Variants in TBL3 observed in about 807,000 individuals in gnomAD.
TBL3 encodes the protein transducin beta-like protein 3.
A neutral mutation model predicts 102.7 loss-of-function variants in TBL3; 71 were observed. That is an observed-to-expected ratio of 0.69 (90% CI 0.57 to 0.84). The LOEUF (loss-of-function observed/expected upper bound fraction) is 0.84, where lower values mean the gene tolerates loss of function less well. Among genes scored for constraint, TBL3 ranks in the 40% least tolerant of loss-of-function variants. The pLI is 0.00. For synonymous variants in TBL3, 578 were observed against 477.7 expected, an observed-to-expected ratio of 1.21 and a Z score of -2.74; for missense variants, 1,188 against 1,098.5, an observed-to-expected ratio of 1.08 and a Z score of -1.15.
At position 1,979,360 on chromosome 16, in the gene TBL3, C is replaced by T. The variant is rs778485027; in HGVS notation, c.*675C>T. On this transcript the variant is annotated 3_prime_UTR_variant, in exon 22 of 22. Coordinates refer to ENST00000568546, the MANE Select transcript of TBL3 (RefSeq NM_006453.3). Reference sequence around the variant, plus strand: ...GCCCGGTCGCCGTACCTGCGAGGGGCGGGGTGTGGTTAGGGCCCCGCCCGC... The same window carrying T: ...GCCCGGTCGCCGTACCTGCGAGGGGTGGGGTGTGGTTAGGGCCCCGCCCGC... 11 of 1,583,568 alleles carry T rather than the reference C, an allele frequency of 6.9e-6. No individual in the cohort carries two copies. The highest frequency in any genetic ancestry group is 8.5e-6 in the Non-Finnish European group (10 of 1,171,706).
Position 1,980,064 on chromosome 16 carries a change from G to A in TBL3, c.*1379G>A, listed in dbSNP as rs1779074688. 1.2e-6 allele frequency: 2 copies of A among 1,607,996 alleles called. No homozygotes were observed. The highest frequency in any genetic ancestry group is 2.2e-5 in the East Asian group (1 of 44,752). On this transcript the variant is annotated 3_prime_UTR_variant, in exon 22 of 22. Coordinates refer to ENST00000568546, the MANE Select transcript of TBL3 (RefSeq NM_006453.3). ...GCGCCTGAAAAGGCCTATCCCGCGT[G>A]TCCTGGGTACAGAAGGGCTGCAGGC...
At position 1,980,001 on chromosome 16, in the gene TBL3, G is replaced by C. The variant is rs2083465727; in HGVS notation, c.*1316G>C. 2 of 1,602,514 alleles carry C rather than the reference G, an allele frequency of 1.2e-6. No homozygotes were observed. The highest frequency in any genetic ancestry group is 1.3e-5 in the African/African-American group (1 of 74,806). On this transcript the variant is annotated 3_prime_UTR_variant, in exon 22 of 22. Transcript: ENST00000568546. Reference sequence around the variant, plus strand: ...TGGGTTCTTGGGGGGCCCTACCTGAGGGGTGCCGCAGCAGCACGTCCAGGC... The same window carrying C: ...TGGGTTCTTGGGGGGCCCTACCTGACGGGTGCCGCAGCAGCACGTCCAGGC...
intron 20 of TBL3, 45 bp from the exon 21 acceptor site, chr16:1,978,268 T>C (rs1317231186): frequency 6.2e-7 from 1 of 1,612,004 alleles, no homozygotes. Context: ...GGGCCAGTCA[T>C]GGCAGATTGG....
chr16:1,979,791 G>T lies in TBL3; in HGVS notation c.*1106G>T. The T allele has an allele frequency of 1.1e-5, 17 of 1,544,230 alleles. No homozygotes were observed. The highest frequency in any genetic ancestry group is 1.2e-5 in the Non-Finnish European group (14 of 1,146,004). On this transcript the variant is annotated 3_prime_UTR_variant, in exon 22 of 22. Coordinates refer to ENST00000568546, the MANE Select transcript of TBL3 (RefSeq NM_006453.3). ...TGAGGGGTGGGGTTAGGCGCATACC[G>T]CTGCTCCCTAGGGACGGGCCTCCCT...
chr16:1,975,746 G>A, intron 10 of TBL3, 36 bp downstream of exon 10: 2 of 1,612,958 alleles, frequency 1.2e-6, no homozygotes, highest in Non-Finnish European at 8.5e-7. Context: ...GGAGGCTGCG[G>A]GCACCAGCCC....
chr16:1,973,244 A>T (rs999150479), intron 1 of TBL3, among the ~76,000 whole-genome samples: 16 of 152,136 alleles, frequency 1.1e-4, no homozygotes, highest in Non-Finnish European at 1.6e-4. Flanking sequence ...GATTGAGACC[A>T]CGGTGAAACC....
rs2083463964 is a variant in TBL3 at position 1,979,921 on chromosome 16, G to A, written c.*1236G>A. The A allele has an allele frequency of 8.2e-6, 13 of 1,577,268 alleles. No homozygotes were observed. The highest frequency in any genetic ancestry group is 1.1e-5 in the Non-Finnish European group (13 of 1,161,864). ...CCACCAGCCTGTGCGCAAGAAGCGG[G>A]CAGGGACTCAAATCTCGAGGCTCCC... is the stretch of plus-strand genomic sequence containing the variant. On this transcript the variant is annotated 3_prime_UTR_variant, in exon 22 of 22. Coordinates refer to ENST00000568546, the MANE Select transcript of TBL3 (RefSeq NM_006453.3).
Position 1,978,199 on chromosome 16 carries a change from C to T in TBL3, c.2113C>T (p.Arg705Ter). ...CGAGAAGCTGGAAGCCACCATGCTC[C>T]GACTGCGGCGCGACCAGAAAGGTTG... is the stretch of plus-strand genomic sequence containing the variant. ...ACEKLEATML[R>*]LRRDQKEALL... The change falls in exon 20 of 22, where the codon CGA becomes TGA. Residue 705 changes from arginine (R) to a stop codon, truncating the protein, a stop_gained. Coordinates refer to ENST00000568546, the MANE Select transcript of TBL3 (RefSeq NM_006453.3). LOFTEE classifies it high-confidence loss of function. 2 of 1,612,798 alleles carry T rather than the reference C, an allele frequency of 1.2e-6. No individual in the cohort carries two copies. Among genetic ancestry groups the T allele is most frequent in the Non-Finnish European group, 1.7e-6 (2 of 1,179,926 alleles).
chr16:1,976,127 G>C lies in TBL3; in HGVS notation c.1188+13G>C, dbSNP rs368628531. On this transcript the variant is annotated intron_variant, in intron 12 of 21. Transcript: ENST00000568546. ...CAGCTGTGCCAAGGTGAGGCACCCT[G>C]AGAGGTAGGGGCAGGGGCACCAGGC... The C allele has an allele frequency of 6.2e-7, 1 of 1,614,098 alleles. No homozygotes were observed. The highest frequency in any genetic ancestry group is 1.7e-5 in the Admixed American group (1 of 60,036).
intron 4 of TBL3, 47 bp downstream of exon 4, chr16:1,974,470 C>T: frequency 3.1e-6 from 5 of 1,589,658 alleles, no homozygotes; most frequent in South Asian, 1.1e-5. Flanking sequence ...CGCCTCCCTC[C>T]CAGACTGAGT....
Position 1,977,575 on chromosome 16 carries a change from G to A in TBL3, c.1804G>A (p.Asp602Asn). 1 of 1,583,090 alleles carries A rather than the reference G, an allele frequency of 6.3e-7. No homozygotes were observed. Among genetic ancestry groups the A allele is most frequent in the Non-Finnish European group, 8.6e-7 (1 of 1,163,620 alleles). ...IKNNECVRTL[D>N]AHEDKVWGLH... Reference sequence around the variant, plus strand: ...GAACAACGAGTGTGTGCGGACGCTGGATGCCCACGAGGACAAGGTCTGGGG... The same window carrying A: ...GAACAACGAGTGTGTGCGGACGCTGAATGCCCACGAGGACAAGGTCTGGGG... Residue 602 changes from aspartate (D) to asparagine (N), a missense_variant, in exon 17 of 22, where the codon GAT (aspartate) becomes AAT (asparagine). Asp to Asn is a conservative substitution (Grantham distance 23, BLOSUM62 1). Coordinates refer to ENST00000568546, the MANE Select transcript of TBL3 (RefSeq NM_006453.3).
rs1449047175 is a variant in TBL3 at position 1,977,502 on chromosome 16, C to T, written c.1743-12C>T. The stretch of plus-strand genomic sequence containing the variant: ...CTGCCTGACGCTGAGCCTCTCCCCA[C>T]CCCAAACCCAGCGGTTCGGATGGCC... On this transcript the variant is annotated splice_polypyrimidine_tract_variant and intron_variant, in intron 16 of 21. Transcript: ENST00000568546. 1.9e-6 allele frequency: 3 copies of T among 1,609,410 alleles called. No homozygotes were observed. The highest frequency in any genetic ancestry group is 2.5e-6 in the Non-Finnish European group (3 of 1,178,316).
At position 1,978,746 on chromosome 16, in the gene TBL3, C is replaced by A; in HGVS notation, c.*61C>A. The A allele has an allele frequency of 6.4e-7, 1 of 1,563,918 alleles. No homozygotes were observed. The highest frequency in any genetic ancestry group is 8.7e-7 in the Non-Finnish European group (1 of 1,149,430). ...TGGAAAACCCATAAAGGCCGCTCTCCTGGCCGGCTCTGTCTCTCTGGACTG... is the reference window on the plus strand; with the variant it reads ...TGGAAAACCCATAAAGGCCGCTCTCATGGCCGGCTCTGTCTCTCTGGACTG... On this transcript the variant is annotated 3_prime_UTR_variant, in exon 22 of 22. Coordinates refer to ENST00000568546, the MANE Select transcript of TBL3 (RefSeq NM_006453.3).
In TBL3 at chr16:1,976,262, G is replaced by A. The variant is rs372290159; in HGVS notation, c.1240G>A (p.Val414Met). The change falls in exon 13 of 22, where the codon GTG (valine) becomes ATG (methionine). Residue 414 changes from valine to methionine, a missense_variant. Val to Met is a conservative substitution (Grantham distance 21). Coordinates refer to ENST00000568546, the MANE Select transcript of TBL3 (RefSeq NM_006453.3). ...GAACAAGGCTGGCCAGGTGATGTGC[G>A]TGGCTCAGGGTTCCGGTCACACACA... ...RMNKAGQVMC[V>M]AQGSGHTHSV... The A allele has an allele frequency of 1.1e-4, 179 of 1,614,022 alleles. No individual in the cohort carries two copies. Among genetic ancestry groups the A allele is most frequent in the Non-Finnish European group, 1.4e-4 (163 of 1,180,044 alleles).
In TBL3 at chr16:1,982,177, C is replaced by T. The variant is rs185986846; in HGVS notation, c.*3492C>T. On this transcript the variant is annotated 3_prime_UTR_variant, in exon 22 of 22. Coordinates refer to ENST00000568546, the MANE Select transcript of TBL3 (RefSeq NM_006453.3). The stretch of plus-strand genomic sequence containing the variant: ...CCAGCCCCTTCAGGGAGCAGTCAGC[C>T]TCTAAGGCATCCCTCCAGGAAGCTG... 1 of 152,258 alleles carries T rather than the reference C, an allele frequency of 6.6e-6. No homozygotes were observed. The highest frequency in any genetic ancestry group is 2.4e-5 in the African/African-American group (1 of 41,446). 9.4% of individuals were successfully genotyped at this position (152,258 alleles called of 1,614,324 possible).
rs548689631 is a variant in TBL3, at chr16:1,975,657, G to A, written c.934G>A (p.Ala312Thr). Reference protein sequence around the residue: ...HTAGVVLTATADHNLLLYEAR... With the variant: ...HTAGVVLTATTDHNLLLYEAR... ...CGCCGGCGTGGTCCTCACCGCCACC[G>A]CCGACCACAACCTGTTGCTCTACGA... The change falls in exon 10 of 22, where the codon GCC becomes ACC. Residue 312 changes from alanine to threonine, a missense_variant. By Grantham distance (58) the Ala-to-Thr change is moderately conservative (BLOSUM62 0). Transcript: ENST00000568546. The A allele has an allele frequency of 2.1e-5, 33 of 1,607,460 alleles. No homozygotes were observed. The highest frequency in any genetic ancestry group is 5.3e-5 in the African/African-American group (4 of 75,036).
Position 1,975,623 on chromosome 16 carries a change from G to A in TBL3, c.900G>A (p.Leu300=). 1 of 1,603,284 alleles carries A rather than the reference G, an allele frequency of 6.2e-7. No homozygotes were observed. The change falls in exon 10 of 22, where the codon CTG becomes CTA. Residue 300 remains leucine (L), a synonymous_variant. Transcript: ENST00000568546. ...GPGQELTHCT[L]AHTAGVVLTA... The stretch of plus-strand genomic sequence containing the variant: ...GGCAGGAGCTGACCCACTGCACCCT[G>A]GCACACACCGCCGGCGTGGTCCTCA...
At chr16:1,978,097 T>C (rs2083419942) in intron 19 of TBL3, 36 bp downstream of exon 19, 1 of 1,608,980 alleles carries the variant, frequency 6.2e-7, no homozygotes, top group South Asian at 1.1e-5. Context: ...GGGCTGGGTC[T>C]TCGGACCACT....
At position 1,981,007 on chromosome 16, in the gene TBL3, A is replaced by G. The variant is rs1469656994; in HGVS notation, c.*2322A>G. 6.2e-7 allele frequency: 1 copy of G among 1,613,190 alleles called. No individual in the cohort carries two copies. Among genetic ancestry groups the G allele is most frequent in the Non-Finnish European group, 8.5e-7 (1 of 1,179,990 alleles). On this transcript the variant is annotated 3_prime_UTR_variant, in exon 22 of 22. Coordinates refer to ENST00000568546, the MANE Select transcript of TBL3 (RefSeq NM_006453.3). ...TCGCTGCCGTCTGACCAGCGCACAGAGAAGGCAAACGTCTGGGGGACAAAA... is the reference window on the plus strand; with the variant it reads ...TCGCTGCCGTCTGACCAGCGCACAGGGAAGGCAAACGTCTGGGGGACAAAA...
Sources: gnomAD v4.1 joint callset for allele counts (sites outside exome capture counted in the v4.1 genomes callset) on GRCh38, gnomAD v4.1.1 for gene constraint, MANE v1.5 for transcripts, NCBI Gene and HGNC (gene_info 2026-07-23, HGNC 2026-07-21) for gene names.